Variants in LTBP1 observed in about 807,000 individuals in gnomAD.
LTBP1 encodes latent-transforming growth factor beta-binding protein 1.
Under a neutral mutation model 207.6 loss-of-function variants are expected in LTBP1, and 129 were observed. That is an observed-to-expected ratio of 0.62 (90% confidence interval 0.54 to 0.72). The LOEUF (loss-of-function observed/expected upper bound fraction) is 0.72. Ranked by LOEUF, LTBP1 falls within the 30% of genes least tolerant of loss-of-function variation. LTBP1 has a pLI of 0.00. For synonymous variants in LTBP1, 963 were observed against 833.7 expected (o/e 1.16, Z -2.67); for missense variants, 2,281 against 2,217.2 (o/e 1.03, Z -0.58).
intron 3 of LTBP1, 91 bp downstream of exon 3, chr2:33,021,297 T>C: frequency 1.6e-6 from 2 of 1,227,270 alleles, no homozygotes; most frequent in Non-Finnish European, 2.3e-6. Context: ...TCCTGCACAA[T>C]TTGCAGAAAT....
intron 12 of LTBP1, 79 bp downstream of exon 12, chr2:33,257,590 A>G (rs1456121252): frequency 8.3e-7 from 1 of 1,201,702 alleles, no homozygotes; most frequent in South Asian, 1.4e-5. Context: ...ATAACCCTCT[A>G]GAACAGAGTT....
intron 5 of LTBP1, among the ~76,000 whole-genome samples, chr2:33,175,145 G>A (rs1171171214): frequency 3.3e-4 from 50 of 151,142 alleles, no homozygotes; most frequent in African/African-American, 7.3e-4. Context: ...ACAAAAGCCA[G>A]AATTGACAAA....
chr2:33,178,498 A>T (rs906191429), intron 5 of LTBP1, among the ~76,000 whole-genome samples: 5 of 152,146 alleles, frequency 3.3e-5, no homozygotes, highest in African/African-American at 1.2e-4. Context: ...TTATTGAAGC[A>T]TTTACTAATG....
chr2:33,261,188 A>G (rs1241584623), intron 13 of LTBP1, among the ~76,000 whole-genome samples: 2 of 152,184 alleles, frequency 1.3e-5, no homozygotes, highest in African/African-American at 4.8e-5. Flanking sequence ...ACTGGACCGT[A>G]TTTGTTAAAT....
intron 31 of LTBP1, among the ~76,000 whole-genome samples, chr2:33,378,320 G>T (rs2095170186): frequency 1.3e-5 from 2 of 151,616 alleles, no homozygotes. Flanking sequence ...CTGCCTCCTG[G>T]GTTCAAGCGA....
At chr2:33,204,059 A>G (rs945032617) in intron 7 of LTBP1, among the ~76,000 whole-genome samples, 2 of 152,230 alleles carry the variant, frequency 1.3e-5, no homozygotes, top group African/African-American at 4.8e-5. Context: ...CATCTGGTTT[A>G]CTAAAAAAAT....
intron 9 of LTBP1, among the ~76,000 whole-genome samples, chr2:33,232,341 T>C (rs2091837863): frequency 6.6e-6 from 1 of 152,178 alleles, no homozygotes; most frequent in Non-Finnish European, 1.5e-5. Context: ...CAGAGGAGCC[T>C]GACTAGAGTT....
Position 33,309,471 on chromosome 2 carries a change from G to C in LTBP1, c.3519G>C (p.Gln1173His), listed in dbSNP as rs1416251776. The C allele has an allele frequency of 1.9e-6, 3 of 1,609,970 alleles. No homozygotes were observed. The highest frequency in any genetic ancestry group is 2.5e-6 in the Non-Finnish European group (3 of 1,178,638). The change falls in exon 23 of 34, where the codon CAG (glutamine) becomes CAC (histidine). Residue 1173 changes from glutamine (Q) to histidine (H), a missense_variant. By Grantham distance (24) the Gln-to-His change is conservative. Coordinates refer to ENST00000404816, the MANE Select transcript of LTBP1 (RefSeq NM_206943.4). ...GCTTGGAGGACAAGAGTGTTTGCCA[G>C]AGAGGAGACTGCATTAATACTGCAG... ...NECLEDKSVC[Q>H]RGDCINTAGS...
At chr2:33,398,220 A>G (rs2095377334) in intron 33 of LTBP1, 144 bp from the exon 34 acceptor site, 1 of 643,810 alleles carries the variant, frequency 1.6e-6, no homozygotes, top group Admixed American at 3.3e-5. Flanking sequence ...CAAAAAAGTC[A>G]TCTTCGTCTT....
chr2:33,285,016 G>A (rs926182467), intron 19 of LTBP1, among the ~76,000 whole-genome samples: 8 of 147,582 alleles, frequency 5.4e-5, no homozygotes, highest in African/African-American at 2.0e-4. Context: ...ACTTGGTAAA[G>A]TAAGTTATGT....
chr2:33,231,537 T>G (rs1212342519), intron 9 of LTBP1, among the ~76,000 whole-genome samples: 2 of 152,182 alleles, frequency 1.3e-5, no homozygotes, highest in Non-Finnish European at 2.9e-5. Flanking sequence ...TAGCTTGCAT[T>G]TCAGACCTCT....
intron 19 of LTBP1, among the ~76,000 whole-genome samples, chr2:33,292,494 T>A (rs978056598): frequency 3.9e-5 from 6 of 152,226 alleles, no homozygotes; most frequent in African/African-American, 1.4e-4. Flanking sequence ...AGGATTTTGT[T>A]CGGATTAAAT....
rs374061308 is a variant in LTBP1 at position 33,183,713 on chromosome 2, A to G, written c.1202-3143A>G. ...TAGCTCCCTTTGCTTTACCCATTAC[A>G]CACTGAGCCTGTCCAGTGTAGCCAA... On this transcript the variant is annotated intron_variant, in intron 5 of 33. Transcript: ENST00000404816. Among the ~76,000 whole-genome samples the G allele has an allele frequency of 1.5e-3, 225 of 152,326 alleles. 1 individual carries two copies. Among genetic ancestry groups the G allele is most frequent in the Middle Eastern group, 0.014 (4 of 294 alleles).
intron 24 of LTBP1, among the ~76,000 whole-genome samples, chr2:33,327,570 T>TA (rs1170649948): frequency 2.6e-5 from 4 of 152,174 alleles, no homozygotes; most frequent in Admixed American, 1.3e-4. Context: ...ATTCCTATTT[T>TA]AAAAAAAGTA....
At chr2:33,115,648 T>C (rs1032338873) in intron 4 of LTBP1, among the ~76,000 whole-genome samples, 2 of 152,310 alleles carry the variant, frequency 1.3e-5, no homozygotes, top group South Asian at 2.1e-4. Flanking sequence ...GGGGGTCTGC[T>C]TTATACAGTG....
intron 7 of LTBP1, among the ~76,000 whole-genome samples, chr2:33,198,023 G>A (rs932661359): frequency 2.6e-5 from 4 of 152,134 alleles, no homozygotes; most frequent in African/African-American, 7.2e-5. Flanking sequence ...TATGTTTTAA[G>A]TACAGCACTC....
In LTBP1 at chr2:32,947,290, C is replaced by CAG; in HGVS notation, c.-35_-34insAG. The CAG allele has an allele frequency of 8.2e-7, 1 of 1,214,448 alleles. No individual in the cohort carries two copies. 75.2% of individuals were successfully genotyped at this position (1,214,448 alleles called of 1,614,324 possible). A position where few individuals can be genotyped will look rare whatever the true frequency, so the allele number is the denominator to read the frequency against. On this transcript the variant is annotated 5_prime_UTR_variant, in exon 1 of 34. Transcript: ENST00000404816. ...CGCACGGCCGGGGGAGGGGGCCGGA[C>CAG]CGCGCGCGACCGGTCGCGCCCGCTG...
chr2:33,162,513 C>T (rs1477767839), intron 5 of LTBP1, among the ~76,000 whole-genome samples: 1 of 152,106 alleles, frequency 6.6e-6, no homozygotes, highest in Non-Finnish European at 1.5e-5. Context: ...TGTTCTTGTC[C>T]TCAAATCAAA....
At chr2:33,094,110 A>G (rs1407546777) in intron 3 of LTBP1, among the ~76,000 whole-genome samples, 3 of 152,184 alleles carry the variant, frequency 2.0e-5, no homozygotes, top group Admixed American at 6.5e-5. Flanking sequence ...AGAGTTTTTC[A>G]TATTTGCAGA....
Sources: allele counts gnomAD v4.1 joint callset (sites outside exome capture counted in the v4.1 genomes callset), GRCh38; gene constraint gnomAD v4.1.1; transcripts MANE v1.5; gene names NCBI Gene and HGNC (gene_info 2026-07-23, HGNC 2026-07-21).